Variants in MCMBP observed in about 807,000 individuals in gnomAD.
MCMBP encodes the protein mini-chromosome maintenance complex-binding protein.
A neutral mutation model predicts 81.3 loss-of-function variants in MCMBP; 31 were observed. That is an observed-to-expected ratio of 0.38 (90% CI 0.29 to 0.51). The LOEUF is 0.51. Among genes scored for constraint, MCMBP ranks in the 20% least tolerant of loss-of-function variants. The pLI, the probability that MCMBP is intolerant of heterozygous loss-of-function variation, is 0.87. For synonymous variants in MCMBP, 267 were observed against 275.9 expected (o/e 0.97, Z 0.32); for missense variants, 645 against 772.1 (o/e 0.84, Z 1.95).
At chr10:119,843,567 C>T (rs1852514815) in intron 8 of MCMBP, 141 bp from the exon 9 acceptor site, 1 of 733,356 alleles carries the variant, frequency 1.4e-6, no homozygotes, top group Non-Finnish European at 2.2e-6. Flanking sequence ...CAGAAAGTGG[C>T]CTCTCATTCT....
chr10:119,868,300 CTT>C, intron 1 of MCMBP, among the ~76,000 whole-genome samples: 1 of 152,286 alleles, frequency 6.6e-6, no homozygotes, highest in East Asian at 1.9e-4. Context: ...GTGGTGCACA[CTT>C]TTAATCCCAG....
At position 119,849,790 on chromosome 10, in the gene MCMBP, ACT is replaced by A. The variant is rs375055506; in HGVS notation, c.575-216_575-215del. 2.3e-3 allele frequency among the ~76,000 whole-genome samples: 348 copies of A among 152,294 alleles called. 2 individuals carry two copies. Among genetic ancestry groups the A allele is most frequent in the African/African-American group, 8.2e-3 (340 of 41,544 alleles). ...ATAAACATGAAGATCTAAAAATTTT[ACT>A]TTTTTTTCCCTTACTGTAAGATATC... is the stretch of plus-strand genomic sequence containing the variant. On this transcript the variant is annotated intron_variant, in intron 6 of 15. Transcript: ENST00000369077.
At position 119,872,637 on chromosome 10, in the gene MCMBP, AGCGCGGCCGG is replaced by A. The variant is rs1051289533; in HGVS notation, c.-63_-54del. On this transcript the variant is annotated 5_prime_UTR_variant, in exon 1 of 16. Coordinates refer to ENST00000369077, the MANE Select transcript of MCMBP (RefSeq NM_001256378.2). ...CCGGGCGGAGGCGATCCGCGGGCCG[AGCGCGGCCGG>A]GCGGCCGGCGCCCAGCTCCTCTTCA... 26 of 1,067,442 alleles carry A rather than the reference AGCGCGGCCGG, an allele frequency of 2.4e-5. No homozygotes were observed. The highest frequency in any genetic ancestry group is 3.0e-5 in the Non-Finnish European group (26 of 860,172). The allele number at this position is 1,067,442 out of a possible 1,614,324, so 66.1% of individuals were successfully genotyped here.
intron 8 of MCMBP, among the ~76,000 whole-genome samples, chr10:119,845,863 A>C (rs1372999716): frequency 1.3e-5 from 2 of 152,242 alleles, no homozygotes; most frequent in Non-Finnish European, 2.9e-5. Context: ...ATTTGTTAGA[A>C]AAAGAAGTCA....
chr10:119,862,304 TC>T (rs71482621), intron 1 of MCMBP, among the ~76,000 whole-genome samples: 96 of 149,876 alleles, frequency 6.4e-4, no homozygotes, highest in African/African-American at 2.3e-3. Context: ...TGAATCTTCG[TC>T]CCCCCCCACA....
intron 1 of MCMBP, among the ~76,000 whole-genome samples, chr10:119,868,011 C>A (rs1459972297): frequency 6.6e-6 from 1 of 152,202 alleles, no homozygotes; most frequent in East Asian, 1.9e-4. Context: ...GTCTGCTCTG[C>A]CCCTCTTCAC....
At chr10:119,848,861 T>C (rs894513085) in intron 7 of MCMBP, among the ~76,000 whole-genome samples, 1 of 152,332 alleles carries the variant, frequency 6.6e-6, no homozygotes, top group South Asian at 2.1e-4. Context: ...AGATATTATG[T>C]TAGAAATGAT....
intron 11 of MCMBP, among the ~76,000 whole-genome samples, chr10:119,839,231 G>A (rs576018753): frequency 6.6e-6 from 1 of 152,228 alleles, no homozygotes; most frequent in African/African-American, 2.4e-5. Context: ...TCCAGGACGC[G>A]AGCACCTTCT....
chr10:119,835,014 T>C (rs1243154590), intron 14 of MCMBP, among the ~76,000 whole-genome samples: 3 of 152,042 alleles, frequency 2.0e-5, no homozygotes, highest in Non-Finnish European at 4.4e-5. Context: ...AGTGATTGCA[T>C]AGGCAAATAG....
intron 1 of MCMBP, among the ~76,000 whole-genome samples, chr10:119,861,286 T>C (rs576469456): frequency 6.6e-6 from 1 of 152,258 alleles, no homozygotes; most frequent in East Asian, 1.9e-4. Context: ...ACTCCTCAGG[T>C]GATACTAATG....
At chr10:119,857,809 C>G (rs1274235753) in intron 4 of MCMBP, 1 of 155,784 alleles carries the variant, frequency 6.4e-6, no homozygotes, top group Non-Finnish European at 1.4e-5. Context: ...TTATCAAACC[C>G]CAATATCAGT....
chr10:119,832,001 G>C lies in MCMBP; in HGVS notation c.1796+11C>G. 6.2e-7 allele frequency: 1 copy of C among 1,606,122 alleles called. No individual in the cohort carries two copies. Among genetic ancestry groups the C allele is most frequent in the Non-Finnish European group, 8.5e-7 (1 of 1,176,836 alleles). ...TTACCGAAACAGCAATAATGGACGT[G>C]CGCCACTTACCGAGCCACCACGAGC... is the stretch of plus-strand genomic sequence containing the variant. On this transcript the variant is annotated intron_variant, in intron 15 of 15. Coordinates refer to ENST00000369077, the MANE Select transcript of MCMBP (RefSeq NM_001256378.2).
intron 6 of MCMBP, 145 bp from the exon 7 acceptor site, chr10:119,849,721 C>A: frequency 1.6e-6 from 1 of 619,624 alleles, no homozygotes. Flanking sequence ...AAGGAAACAG[C>A]ACATACTAAC....
At chr10:119,846,060 CTACTT>C (rs1852608107) in intron 8 of MCMBP, among the ~76,000 whole-genome samples, 1 of 152,174 alleles carries the variant, frequency 6.6e-6, no homozygotes, top group African/African-American at 2.4e-5. Flanking sequence ...CTAGCTCTGT[CTACTT>C]TAAGGGCCTA....
chr10:119,838,371 ATAAT>A (rs1852324230), intron 12 of MCMBP, among the ~76,000 whole-genome samples, 160 bp downstream of exon 12: 2 of 151,622 alleles, frequency 1.3e-5, no homozygotes, highest in African/African-American at 2.4e-5. Flanking sequence ...GTTGGTGTAT[ATAAT>A]TAGTTTATAA....
chr10:119,842,547 A>G lies in MCMBP; in HGVS notation c.1049T>C (p.Leu350Pro). 1 of 1,614,008 alleles carries G rather than the reference A, an allele frequency of 6.2e-7. No individual in the cohort carries two copies. The highest frequency in any genetic ancestry group is 8.5e-7 in the Non-Finnish European group (1 of 1,179,896). The change falls in exon 10 of 16, where the codon CTT becomes CCT. Residue 350 changes from leucine to proline, a missense_variant. Transcript: ENST00000369077. ...SELSPVRAEL[L>P]GFLTHALLGD... ...CAGAAGGGCATGAGTAAGGAACCCAAGAAGTTCTGCTCTGACTGGAGACAA... is the reference window on the plus strand; with the variant it reads ...CAGAAGGGCATGAGTAAGGAACCCAGGAAGTTCTGCTCTGACTGGAGACAA...
At position 119,847,636 on chromosome 10, in the gene MCMBP, C is replaced by G. The variant is rs376282751; in HGVS notation, c.804G>C (p.Leu268=). ...ACCTTTCATCATTATTCAGTATACT[C>G]AGCACAGGATCCACAGACAGTATGC... The part of the protein sequence containing the change: ...LYGILSVDPV[L]SILNNDERDA... The change falls in exon 8 of 16, where the codon CTG becomes CTC. Residue 268 remains leucine, a synonymous_variant. Coordinates refer to ENST00000369077, the MANE Select transcript of MCMBP (RefSeq NM_001256378.2). 124 of 1,608,714 alleles carry G rather than the reference C, an allele frequency of 7.7e-5. No homozygotes were observed. Among genetic ancestry groups the G allele is most frequent in the Non-Finnish European group, 9.2e-5 (108 of 1,176,392 alleles).
chr10:119,872,882 C>T (rs964565542), upstream of MCMBP: 2 of 153,708 alleles, frequency 1.3e-5, no homozygotes, highest in East Asian at 1.9e-4. Context: ...TGCCTGCGAC[C>T]TGGGTGGAGC....
At chr10:119,856,143 ACC>A (rs150084107) in intron 5 of MCMBP, among the ~76,000 whole-genome samples, 25,811 of 152,062 alleles carry the variant, frequency 0.17, 2,456 homozygotes, top group Non-Finnish European at 0.22. Flanking sequence ...AATCACTTGA[ACC>A]CAGGAGATGG....
Sources: gnomAD v4.1 joint callset for allele counts (sites outside exome capture counted in the v4.1 genomes callset) on GRCh38, gnomAD v4.1.1 for gene constraint, MANE v1.5 for transcripts, NCBI Gene and HGNC (gene_info 2026-07-23, HGNC 2026-07-21) for gene names.